SCRN1: variants seen among roughly 807,000 people sequenced by gnomAD.
The protein encoded by SCRN1 is secernin 1.
SCRN1 carries 19 observed loss-of-function variants against 43.3 expected under a neutral mutation model. The observed-to-expected ratio is 0.44, with a 90% CI of 0.31 to 0.64. The LOEUF (loss-of-function observed/expected upper bound fraction) is 0.64, where lower values mean the gene tolerates loss of function less well. SCRN1 is among the 30% of genes least tolerant of loss of function. The pLI is 0.09. For synonymous variants in SCRN1, 183 were observed against 188.9 expected (o/e 0.97, Z 0.26); for missense variants, 447 against 524.1 (o/e 0.85, Z 1.44).
Position 29,957,006 on chromosome 7 carries a change from C to CA in SCRN1, c.160-1647dup, listed in dbSNP as rs1218621877. ...CAACACTTTCCAAAACCCCTGTCCG[C>CA]ACTGAGTGCCAGTGGCAACTTTTGT... On this transcript the variant is annotated intron_variant, in intron 2 of 7. Coordinates refer to ENST00000242059, the MANE Select transcript of SCRN1 (RefSeq NM_014766.5). 3.3e-5 allele frequency among the ~76,000 whole-genome samples: 5 copies of CA among 152,300 alleles called. No individual in the cohort carries two copies. In the South Asian group the frequency reaches 8.3e-4, roughly 25 times the overall value.
rs1052766252 is a variant in SCRN1, at chr7:29,921,926, G to A, written c.*2031C>T. 6.6e-6 allele frequency: 1 copy of A among 152,216 alleles called. No individual in the cohort carries two copies. The highest frequency in any genetic ancestry group is 2.4e-5 in the African/African-American group (1 of 41,456). The allele number at this position is 152,216 out of a possible 1,614,324, so 9.4% of individuals were successfully genotyped here. A position where few individuals can be genotyped will look rare whatever the true frequency, so the allele number is the denominator to read the frequency against. On this transcript the variant is annotated 3_prime_UTR_variant, in exon 8 of 8. Coordinates refer to ENST00000242059, the MANE Select transcript of SCRN1 (RefSeq NM_014766.5). ...GAGACATTTCATAGTAGGCGAAGGT[G>A]AAATCACTCAGTGAGATTTTAGAGC...
At chr7:29,939,795 G>A (rs1183065786) in intron 5 of SCRN1, among the ~76,000 whole-genome samples, 1 of 152,052 alleles carries the variant, frequency 6.6e-6, no homozygotes, top group East Asian at 1.9e-4. Context: ...TTTCCACATA[G>A]GCACAAAAGT....
intron 5 of SCRN1, among the ~76,000 whole-genome samples, chr7:29,938,341 C>G (rs976509486): frequency 7.9e-5 from 12 of 152,206 alleles, no homozygotes; most frequent in African/African-American, 2.9e-4. Flanking sequence ...CAGCTTGCAT[C>G]TTAGTTGTCA....
Position 29,976,526 on chromosome 7 carries a change from A to G in SCRN1, c.-1-7458T>C, listed in dbSNP as rs148668499. On this transcript the variant is annotated intron_variant, in intron 1 of 7. Coordinates refer to ENST00000242059, the MANE Select transcript of SCRN1 (RefSeq NM_014766.5). ...GTGCAACAATATGGATGTCCTTAAC[A>G]CTTCTGAACTCTACAGTTAAAAATG... 6.4e-4 allele frequency among the ~76,000 whole-genome samples: 97 copies of G among 152,318 alleles called. 1 individual carries two copies. The East Asian group carries it at 0.017, about 27-fold the overall frequency.
At chr7:29,941,306 A>G (rs1340863903) in intron 4 of SCRN1, among the ~76,000 whole-genome samples, 1 of 152,240 alleles carries the variant, frequency 6.6e-6, no homozygotes, top group East Asian at 1.9e-4. Context: ...GCAATGCTCT[A>G]TCGCATCTAT....
chr7:29,923,163 T>G lies in SCRN1; in HGVS notation c.*794A>C, dbSNP rs1263219723. ...ATCCTGTGATGGCTGTGCTGCTGTG[T>G]GGGGAGAGCTGCCTCCTGGGACATC... On this transcript the variant is annotated 3_prime_UTR_variant, in exon 8 of 8. Coordinates refer to ENST00000242059, the MANE Select transcript of SCRN1 (RefSeq NM_014766.5). The G allele has an allele frequency of 2.6e-5, 4 of 152,296 alleles. No homozygotes were observed. The highest frequency in any genetic ancestry group is 9.7e-5 in the African/African-American group (4 of 41,438). The allele number at this position is 152,296 out of a possible 1,614,324, so 9.4% of individuals were successfully genotyped here.
At chr7:29,938,428 G>A (rs1408899106) in intron 5 of SCRN1, among the ~76,000 whole-genome samples, 2 of 152,192 alleles carry the variant, frequency 1.3e-5, no homozygotes, top group Non-Finnish European at 2.9e-5. Flanking sequence ...TTGGGAACAG[G>A]GCCCCTGAAA....
At chr7:29,946,242 T>A (rs1787734429) in intron 3 of SCRN1, among the ~76,000 whole-genome samples, 1 of 152,224 alleles carries the variant, frequency 6.6e-6, no homozygotes, top group South Asian at 2.1e-4. Context: ...CTTTGGTCAA[T>A]GTCATCTTCT....
Position 29,936,718 on chromosome 7 carries a change from C to T in SCRN1, c.743G>A (p.Ser248Asn), listed in dbSNP as rs1394105326. The change falls in exon 6 of 8, where the codon AGC becomes AAC. Residue 248 changes from serine (S) to asparagine (N), a missense_variant. By Grantham distance (46) the Ser-to-Asn change is conservative. Coordinates refer to ENST00000242059, the MANE Select transcript of SCRN1 (RefSeq NM_014766.5). ...GTTCATCATAGTCTGCACTGTGATG[C>T]TTTCTGCAAAAACACAAAAGACAGA... is the stretch of plus-strand genomic sequence containing the variant. ...GKDSLEKQEE[S>N]ITVQTMMNTL... 8 of 1,530,432 alleles carry T rather than the reference C, an allele frequency of 5.2e-6. No individual in the cohort carries two copies. In the Admixed American group the frequency reaches 7.1e-5, roughly 14 times the overall value. 94.8% of individuals were successfully genotyped at this position (1,530,432 alleles called of 1,614,324 possible).
At chr7:29,980,679 T>C (rs979450661) in intron 1 of SCRN1, among the ~76,000 whole-genome samples, 1 of 152,244 alleles carries the variant, frequency 6.6e-6, no homozygotes. Context: ...GGTTACTTTA[T>C]GTCTGGCAAA....
At chr7:29,985,146 C>G (rs1312136416) in intron 1 of SCRN1, among the ~76,000 whole-genome samples, 1 of 143,812 alleles carries the variant, frequency 7.0e-6, no homozygotes, top group East Asian at 2.0e-4. Context: ...GTGGCTCACA[C>G]CTGTAATCCC....
At position 29,950,904 on chromosome 7, in the gene SCRN1, C is replaced by T. The variant is rs1787898193; in HGVS notation, c.341+4275G>A. On this transcript the variant is annotated intron_variant, in intron 3 of 7. Coordinates refer to ENST00000242059, the MANE Select transcript of SCRN1 (RefSeq NM_014766.5). The surrounding 1 kb of genome is among the most constrained non-coding windows in gnomAD (Gnocchi z 4.5). Reference sequence around the variant, plus strand: ...CCTCACCACCTTGCTCACTCTCCAGCTGTCCATGTATCTCACTCTTCCTGA... The same window carrying T: ...CCTCACCACCTTGCTCACTCTCCAGTTGTCCATGTATCTCACTCTTCCTGA... 6.6e-6 allele frequency among the ~76,000 whole-genome samples: 1 copy of T among 152,274 alleles called. No individual in the cohort carries two copies. Among genetic ancestry groups the T allele is most frequent in the East Asian group, 1.9e-4 (1 of 5,200 alleles).
At chr7:29,937,223 C>T (rs777012062) in intron 5 of SCRN1, among the ~76,000 whole-genome samples, 5 of 152,294 alleles carry the variant, frequency 3.3e-5, no homozygotes, top group Middle Eastern at 3.4e-3. Context: ...CTATGTGTGG[C>T]CATGTGATAA....
chr7:29,927,416 G>A (rs1320597387), intron 6 of SCRN1, among the ~76,000 whole-genome samples: 1 of 123,758 alleles, frequency 8.1e-6, no homozygotes, highest in African/African-American at 3.1e-5. Flanking sequence ...GCTGTGGCCT[G>A]GGATCCCAGG....
intron 1 of SCRN1, chr7:29,970,037 C>T: frequency 2.7e-6 from 1 of 370,034 alleles, no homozygotes; most frequent in South Asian, 2.0e-5. Context: ...CCACCACCAT[C>T]TCCAGCCTGG....
chr7:29,924,601 C>T (rs538555183), intron 7 of SCRN1, among the ~76,000 whole-genome samples: 97 of 152,330 alleles, frequency 6.4e-4, no homozygotes, highest in Admixed American at 5.4e-3. Flanking sequence ...CTGCCATGGG[C>T]GCTGTCTCCC....
intron 3 of SCRN1, among the ~76,000 whole-genome samples, chr7:29,947,905 C>A (rs1787788311): frequency 6.6e-6 from 1 of 152,210 alleles, no homozygotes; most frequent in Admixed American, 6.5e-5. Context: ...TGGCCGTCTG[C>A]AAACCAGCAA....
rs1400992619 is a variant in SCRN1, at chr7:29,942,894, G to A, written c.544+1083C>T. ...GGGGCAATTTTGTATAGAGTACAACGTACCCATCATCCAGAGAAGCCCTGA... is the reference window on the plus strand; with the variant it reads ...GGGGCAATTTTGTATAGAGTACAACATACCCATCATCCAGAGAAGCCCTGA... On this transcript the variant is annotated intron_variant, in intron 4 of 7. Transcript: ENST00000242059. Among the ~76,000 whole-genome samples the A allele has an allele frequency of 6.6e-5, 10 of 152,248 alleles. No homozygotes were observed. The East Asian group carries it at 9.7e-4, about 15-fold the overall frequency.
At chr7:29,978,409 T>C (rs1428137526) in intron 1 of SCRN1, among the ~76,000 whole-genome samples, 1 of 152,162 alleles carries the variant, frequency 6.6e-6, no homozygotes, top group Non-Finnish European at 1.5e-5. Flanking sequence ...TATTTCCTAT[T>C]GTCCCCTCCA....
Sources: allele counts gnomAD v4.1 joint callset (sites outside exome capture counted in the v4.1 genomes callset), GRCh38; gene constraint gnomAD v4.1.1; non-coding constraint Gnocchi (gnomAD v3.1); transcripts MANE v1.5; gene names NCBI Gene and HGNC (gene_info 2026-07-23, HGNC 2026-07-21).